The following SLC26A7 variants were observed in gnomAD, a reference collection of about 807,000 sequenced individuals.
SLC26A7 encodes the protein anion exchange transporter.
Under a neutral mutation model 82.5 loss-of-function variants are expected in SLC26A7, and 59 were observed. The observed-to-expected ratio is 0.72, with a 90% CI of 0.58 to 0.89. The LOEUF (loss-of-function observed/expected upper bound fraction) is 0.89. Among genes scored for constraint, SLC26A7 ranks in the 40% least tolerant of loss-of-function variants. The pLI, the probability that SLC26A7 is intolerant of heterozygous loss-of-function variation, is 0.00. For missense variants in SLC26A7, 820 were observed against 793.0 expected, an observed-to-expected ratio of 1.03 and a Z score of -0.41; for synonymous variants, 271 against 274.3, an observed-to-expected ratio of 0.99 and a Z score of 0.12.
At chr8:91,368,413 G>GTTTTTTTTTTTTTT (rs565439844) in intron 14 of SLC26A7, among the ~76,000 whole-genome samples, 1 of 144,990 alleles carries the variant, frequency 6.9e-6, no homozygotes, top group Non-Finnish European at 1.5e-5. Context: ...TTCAGATGAG[G>GTTTTTTTTTTTTTT]TTTTTTTTTT....
intron 2 of SLC26A7, among the ~76,000 whole-genome samples, chr8:91,271,318 T>G (rs1811261028): frequency 6.6e-6 from 1 of 152,192 alleles, no homozygotes; most frequent in Non-Finnish European, 1.5e-5. Flanking sequence ...GTATACACCA[T>G]GAAAGCAGGG....
At chr8:91,309,301 A>G (rs934772476) in intron 4 of SLC26A7, among the ~76,000 whole-genome samples, 2 of 151,298 alleles carry the variant, frequency 1.3e-5, no homozygotes, top group African/African-American at 4.8e-5. Context: ...ATCTATATGT[A>G]TTTATATATC....
chr8:91,367,901 C>T (rs965535469), intron 14 of SLC26A7, among the ~76,000 whole-genome samples: 2 of 152,152 alleles, frequency 1.3e-5, no homozygotes, highest in African/African-American at 4.8e-5. Context: ...CTGTCCTGAG[C>T]CACATTCCTG....
At chr8:91,228,452 CTTA>C (rs960850691) in intron 2 of SLC26A7, among the ~76,000 whole-genome samples, 3 of 152,152 alleles carry the variant, frequency 2.0e-5, no homozygotes, top group African/African-American at 7.2e-5. Context: ...TGAGATGGGG[CTTA>C]TTAATATCAC....
chr8:91,392,684 C>T (rs550155400), intron 16 of SLC26A7, among the ~76,000 whole-genome samples: 2 of 152,278 alleles, frequency 1.3e-5, no homozygotes, highest in South Asian at 2.1e-4. Context: ...GCATAAGAAA[C>T]GTTCTCTTGG....
At chr8:91,349,902 G>A (rs544667810) in intron 9 of SLC26A7, among the ~76,000 whole-genome samples, 1 of 152,294 alleles carries the variant, frequency 6.6e-6, no homozygotes, top group Middle Eastern at 3.4e-3. Context: ...GATCCTGTGA[G>A]CTGCACTCTG....
chr8:91,334,696 T>C (rs559528417), intron 6 of SLC26A7, among the ~76,000 whole-genome samples: 24 of 152,338 alleles, frequency 1.6e-4, no homozygotes, highest in African/African-American at 5.3e-4. Flanking sequence ...ATTGTTTATA[T>C]AAATAAGAGA....
At chr8:91,209,606 G>T (rs1586290129) in intron 1 of SLC26A7, 1 of 152,228 alleles carries the variant, frequency 6.6e-6, no homozygotes, top group Admixed American at 6.5e-5. Context: ...TTGAAAATGG[G>T]AAGATATGTG....
At chr8:91,259,729 C>T (rs1250826071) in intron 2 of SLC26A7, among the ~76,000 whole-genome samples, 1 of 152,094 alleles carries the variant, frequency 6.6e-6, no homozygotes, top group African/African-American at 2.4e-5. Flanking sequence ...TGCCTTGTCC[C>T]TTTCACCTGA....
At position 91,358,123 on chromosome 8, in the gene SLC26A7, A is replaced by G. The variant is rs563274632; in HGVS notation, c.1315-4230A>G. Among the ~76,000 whole-genome samples, 56 of 152,276 alleles carry G rather than the reference A, an allele frequency of 3.7e-4. 1 individual carries two copies. The highest frequency in any genetic ancestry group is 5.2e-4 in the Admixed American group (8 of 15,304). On this transcript the variant is annotated intron_variant, in intron 11 of 18. Coordinates refer to ENST00000276609, the MANE Select transcript of SLC26A7 (RefSeq NM_052832.4). ...AGTCAGGAAACAACAGGTGCTGGAG[A>G]GGATGTGGAGAAACAGAAACACTTT...
intron 5 of SLC26A7, among the ~76,000 whole-genome samples, chr8:91,318,896 T>C (rs1459648982): frequency 6.6e-6 from 1 of 152,184 alleles, no homozygotes; most frequent in African/African-American, 2.4e-5. Flanking sequence ...CACTTTTTTG[T>C]TCTTGGGTTT....
chr8:91,318,082 T>C (rs1231847733), intron 4 of SLC26A7, 134 bp from the exon 5 acceptor site: 1 of 644,694 alleles, frequency 1.6e-6, no homozygotes, highest in Non-Finnish European at 2.5e-6. Flanking sequence ...ATATATACAA[T>C]GTAACAAACT....
At chr8:91,233,522 G>GT (rs1218733526) in intron 2 of SLC26A7, among the ~76,000 whole-genome samples, 1 of 151,890 alleles carries the variant, frequency 6.6e-6, no homozygotes, top group African/African-American at 2.4e-5. Flanking sequence ...AGTGGAGATT[G>GT]TGCCACTGCA....
chr8:91,250,363 T>A (rs1324865576), intron 2 of SLC26A7, among the ~76,000 whole-genome samples: 3 of 152,134 alleles, frequency 2.0e-5, no homozygotes, highest in African/African-American at 7.2e-5. Flanking sequence ...AGAGCTTATG[T>A]TTTACTGTCT....
intron 18 of SLC26A7, 167 bp downstream of exon 18, chr8:91,394,206 T>A: frequency 6.2e-7 from 1 of 1,611,496 alleles, no homozygotes. Context: ...AATGTTTCCA[T>A]TCTTTTTTTA....
At chr8:91,256,011 AT>A (rs1281408062) in intron 2 of SLC26A7, among the ~76,000 whole-genome samples, 1 of 152,134 alleles carries the variant, frequency 6.6e-6, no homozygotes, top group Admixed American at 6.5e-5. Context: ...CCTGTTCCAT[AT>A]ATAGTACAAA....
At chr8:91,213,948 G>A (rs1256641361) in intron 1 of SLC26A7, among the ~76,000 whole-genome samples, 3 of 152,100 alleles carry the variant, frequency 2.0e-5, no homozygotes, top group African/African-American at 7.2e-5. Context: ...TAAGTAAGGG[G>A]TTTGAACTTG....
intron 4 of SLC26A7, among the ~76,000 whole-genome samples, chr8:91,296,289 T>C (rs1316077182): frequency 6.6e-6 from 1 of 152,196 alleles, no homozygotes; most frequent in Admixed American, 6.5e-5. Flanking sequence ...TTCTAATCAG[T>C]CGTCAAAATT....
At chr8:91,247,721 A>G (rs1188413883), upstream of SLC26A7, among the ~76,000 whole-genome samples, 1 of 152,162 alleles carries the variant, frequency 6.6e-6, no homozygotes, top group Non-Finnish European at 1.5e-5. Context: ...AATTCATAAA[A>G]TCCTGTTCAT....
Sources: allele counts gnomAD v4.1 joint callset (sites outside exome capture counted in the v4.1 genomes callset), GRCh38; gene constraint gnomAD v4.1.1; transcripts MANE v1.5; gene names NCBI Gene and HGNC (gene_info 2026-07-23, HGNC 2026-07-21).